Variants in CPS1 observed in about 807,000 individuals in gnomAD.
The protein encoded by CPS1 is carbamoyl-phosphate synthase 1, also known as carbamoyl-phosphate synthase [ammonia], mitochondrial.
Under a neutral mutation model 174.6 loss-of-function variants are expected in CPS1, and 109 were observed. The observed-to-expected ratio is 0.62, with a 90% CI of 0.53 to 0.73. CPS1 has a LOEUF of 0.73. Among genes scored for constraint, CPS1 ranks in the 30% least tolerant of loss-of-function variants. The probability of loss-of-function intolerance (pLI) is 0.00; values close to 1 mark genes in which losing one functional copy is unlikely to be tolerated. For missense variants in CPS1, 1,689 were observed against 1,821.9 expected, an observed-to-expected ratio of 0.93 and a Z score of 1.33; for synonymous variants, 637 against 632.0, an observed-to-expected ratio of 1.01 and a Z score of -0.12.
At chr2:210,497,916 A>ATATATATATATC (rs1553718852) in intron 1 of CPS1, among the ~76,000 whole-genome samples, 1 of 140,614 alleles carries the variant, frequency 7.1e-6, no homozygotes, top group Admixed American at 7.1e-5. Flanking sequence ...ATATATATAT[A>ATATATATATATC]TATCTCCAGT....
At chr2:210,533,341 C>T (rs1696163211) in intron 1 of CPS1, among the ~76,000 whole-genome samples, 1 of 152,150 alleles carries the variant, frequency 6.6e-6, no homozygotes. Context: ...TAATAGTTCT[C>T]TGACACTATA....
chr2:210,637,731 G>C lies in CPS1; in HGVS notation c.2717G>C (p.Arg906Thr). ...TCCATGACAGAAGAAACCCTGAAAA[G>C]GGCAAAGGAGATTGGGTTCTCAGAT... The part of the protein sequence containing the change: ...SESMTEETLK[R>T]AKEIGFSDKQ... The change falls in exon 22 of 38, where the codon AGG (arginine) becomes ACG (threonine). Residue 906 changes from arginine (R) to threonine (T), a missense_variant. By Grantham distance (71) the Arg-to-Thr change is moderately conservative (BLOSUM62 -1). Transcript: ENST00000233072. 6.2e-7 allele frequency: 1 copy of C among 1,613,992 alleles called. No individual in the cohort carries two copies. Among genetic ancestry groups the C allele is most frequent in the Non-Finnish European group, 8.5e-7 (1 of 1,179,926 alleles).
At chr2:210,603,428 A>G (rs959802259) in intron 16 of CPS1, among the ~76,000 whole-genome samples, 5 of 151,976 alleles carry the variant, frequency 3.3e-5, no homozygotes, top group African/African-American at 1.2e-4. Context: ...ATTACAAAAA[A>G]GGGAAACATA....
Position 210,608,435 on chromosome 2 carries a change from G to T in CPS1, c.2267G>T (p.Gly756Val), listed in dbSNP as rs918354309. ...PLPEIKNVVS[G>V]KTSACFEPSL... is the part of the protein sequence containing the mutation. ...CCAGAAATTAAGAACGTCGTATCCG[G>T]GAAGACATCAGCCTGTTTTGAACCT... The change falls in exon 19 of 38, where the codon GGG becomes GTG. Residue 756 changes from glycine (G) to valine (V), a missense_variant. By Grantham distance (109) the Gly-to-Val change is moderately radical. Transcript: ENST00000233072. 1 of 1,612,532 alleles carries T rather than the reference G, an allele frequency of 6.2e-7. No homozygotes were observed. Among genetic ancestry groups the T allele is most frequent in the South Asian group, 1.1e-5 (1 of 91,044 alleles).
intron 1 of CPS1, among the ~76,000 whole-genome samples, chr2:210,496,348 C>T (rs538082273): frequency 1.3e-5 from 2 of 152,262 alleles, no homozygotes; most frequent in Admixed American, 1.3e-4. Flanking sequence ...TGGTTGATAA[C>T]CCCCATCTTG....
At chr2:210,668,467 C>A (rs1701179640) in intron 34 of CPS1, among the ~76,000 whole-genome samples, 183 bp downstream of exon 34, 1 of 152,150 alleles carries the variant, frequency 6.6e-6, no homozygotes, top group Admixed American at 6.5e-5. Context: ...TCTGTTGTAT[C>A]AGCCCGTGCA....
intron 21 of CPS1, among the ~76,000 whole-genome samples, chr2:210,628,633 C>G (rs887546974): frequency 2.0e-5 from 3 of 152,104 alleles, no homozygotes; most frequent in Non-Finnish European, 4.4e-5. Flanking sequence ...AATACTGTCT[C>G]TACTAAAAAT....
upstream of CPS1, among the ~76,000 whole-genome samples, chr2:210,554,237 A>G (rs1252960114): frequency 2.0e-5 from 3 of 147,256 alleles, no homozygotes; most frequent in Admixed American, 6.9e-5. Flanking sequence ...ATATATATGT[A>G]TGTATATATA....
chr2:210,524,203 C>T (rs1351689042), intron 1 of CPS1, among the ~76,000 whole-genome samples: 1 of 151,872 alleles, frequency 6.6e-6, no homozygotes, highest in African/African-American at 2.4e-5. Context: ...ATTCAGGGTT[C>T]TCAGTTTGAA....
upstream of CPS1, among the ~76,000 whole-genome samples, chr2:210,553,432 G>A (rs546533952): frequency 5.9e-5 from 9 of 151,972 alleles, no homozygotes; most frequent in South Asian, 1.9e-3. Context: ...GATTTCACAG[G>A]CTAAATGCTT....
In CPS1 at chr2:210,614,909, A is replaced by G. The variant is rs529972914; in HGVS notation, c.2569-1514A>G. On this transcript the variant is annotated intron_variant, in intron 20 of 37. Coordinates refer to ENST00000233072, the MANE Select transcript of CPS1 (RefSeq NM_001875.5). ...GGGGGTGGGGAGGTAGGGGATGCAT[A>G]GCACTAGGAGAAATACCTAATGTAG... Among the ~76,000 whole-genome samples the G allele has an allele frequency of 5.7e-4, 87 of 152,014 alleles. 1 individual carries two copies. Among genetic ancestry groups the G allele is most frequent in the South Asian group, 3.1e-3 (15 of 4,816 alleles).
chr2:210,663,140 G>T lies in CPS1; in HGVS notation c.3945G>T (p.Trp1315Cys). Residue 1315 changes from tryptophan (W) to cysteine (C), a missense_variant, in exon 33 of 38, where the codon TGG (tryptophan) becomes TGT (cysteine). Transcript: ENST00000233072. ...YVAIKAPMFS[W>C]PRLRDADPIL... ...TCCAACAGGCTCCCATGTTTTCCTGGCCCCGGTTGAGGGATGCTGACCCCA... is the reference window on the plus strand; with the variant it reads ...TCCAACAGGCTCCCATGTTTTCCTGTCCCCGGTTGAGGGATGCTGACCCCA... 6.2e-7 allele frequency: 1 copy of T among 1,612,964 alleles called. No homozygotes were observed.
chr2:210,652,664 T>G (rs964809232), intron 28 of CPS1, among the ~76,000 whole-genome samples: 1 of 152,150 alleles, frequency 6.6e-6, no homozygotes, highest in Non-Finnish European at 1.5e-5. Context: ...TTTTAACCTT[T>G]TGAATGTGAA....
intron 1 of CPS1, among the ~76,000 whole-genome samples, chr2:210,547,850 G>A (rs956299914): frequency 1.3e-5 from 2 of 152,000 alleles, no homozygotes; most frequent in Admixed American, 6.6e-5. Context: ...CTTAGTTTCT[G>A]TTGGGAGTGG....
intron 1 of CPS1, among the ~76,000 whole-genome samples, chr2:210,560,718 A>T (rs1373150106): frequency 1.5e-4 from 23 of 152,166 alleles, no homozygotes; most frequent in Admixed American, 1.5e-3. Context: ...AGAAATTGGC[A>T]ACTATAAAAA....
Position 210,648,545 on chromosome 2 carries a change from C to T in CPS1, c.3404+5C>T, listed in dbSNP as rs1700457088. 1 of 1,611,820 alleles carries T rather than the reference C, an allele frequency of 6.2e-7. No individual in the cohort carries two copies. The highest frequency in any genetic ancestry group is 8.5e-7 in the Non-Finnish European group (1 of 1,178,358). ...GAGGCCTTCCTATGTTTTGAGGTAACACTGTATATTGTTTTCCAAAACAAT... is the reference window on the plus strand; with the variant it reads ...GAGGCCTTCCTATGTTTTGAGGTAATACTGTATATTGTTTTCCAAAACAAT... On this transcript the variant is annotated splice_donor_5th_base_variant and intron_variant, in intron 27 of 37. Coordinates refer to ENST00000233072, the MANE Select transcript of CPS1 (RefSeq NM_001875.5).
upstream of CPS1, among the ~76,000 whole-genome samples, chr2:210,554,074 TATAC>T: frequency 6.8e-6 from 1 of 147,942 alleles, no homozygotes; most frequent in African/African-American, 2.5e-5. Flanking sequence ...TATATACATA[TATAC>T]ATACATATGT....
chr2:210,502,281 T>C (rs1457850505), intron 1 of CPS1, among the ~76,000 whole-genome samples: 2 of 151,766 alleles, frequency 1.3e-5, no homozygotes, highest in African/African-American at 4.8e-5. Context: ...AGTTGATCTT[T>C]GTGCAATATC....
intron 1 of CPS1, among the ~76,000 whole-genome samples, chr2:210,539,674 C>G (rs947724600): frequency 6.6e-6 from 1 of 152,162 alleles, no homozygotes; most frequent in Admixed American, 6.5e-5. Context: ...TCTGAGTCCT[C>G]CTTGATATCT....
Sources: gnomAD v4.1 joint callset for allele counts (sites outside exome capture counted in the v4.1 genomes callset) on GRCh38, gnomAD v4.1.1 for gene constraint, MANE v1.5 for transcripts, NCBI Gene and HGNC (gene_info 2026-07-23, HGNC 2026-07-21) for gene names.